Variants in NCK2 observed in about 807,000 individuals in gnomAD.
NCK2 encodes cytoplasmic protein NCK2.
A neutral mutation model predicts 33.9 loss-of-function variants in NCK2; 16 were observed. That is an observed-to-expected ratio of 0.47 (90% CI 0.32 to 0.72). The LOEUF (loss-of-function observed/expected upper bound fraction) is 0.72, where lower values mean the gene tolerates loss of function less well. Ranked by LOEUF, NCK2 falls within the 30% of genes least tolerant of loss-of-function variation. The probability of loss-of-function intolerance (pLI) is 0.03; values close to 1 mark genes in which losing one functional copy is unlikely to be tolerated. For synonymous variants in NCK2, 273 were observed against 239.9 expected (o/e 1.14, Z -1.27); for missense variants, 418 against 537.3 (o/e 0.78, Z 2.19).
intron 1 of NCK2, among the ~76,000 whole-genome samples, chr2:105,752,411 A>T (rs1489911134): frequency 1.3e-5 from 2 of 152,236 alleles, no homozygotes; most frequent in Non-Finnish European, 2.9e-5. Flanking sequence ...TCATCAAAAT[A>T]CCTTGTTCAT....
At chr2:105,777,530 C>A (rs1690350064) in intron 1 of NCK2, among the ~76,000 whole-genome samples, 1 of 152,128 alleles carries the variant, frequency 6.6e-6, no homozygotes, top group Non-Finnish European at 1.5e-5. Context: ...TATTGATAAT[C>A]ATGCGGATTA....
chr2:105,812,160 C>G (rs769662468), intron 1 of NCK2, among the ~76,000 whole-genome samples: 7 of 152,120 alleles, frequency 4.6e-5, no homozygotes, highest in Non-Finnish European at 8.8e-5. Context: ...ACAGCTTTAT[C>G]TTGAGTGAAA....
chr2:105,757,554 C>T (rs2104344950), intron 1 of NCK2, among the ~76,000 whole-genome samples: 1 of 152,278 alleles, frequency 6.6e-6, no homozygotes, highest in African/African-American at 2.4e-5. Flanking sequence ...TGTGTACCTG[C>T]AGTTCATACC....
intron 1 of NCK2, among the ~76,000 whole-genome samples, chr2:105,755,370 C>G (rs957314806): frequency 1.5e-4 from 23 of 151,704 alleles, no homozygotes; most frequent in African/African-American, 5.6e-4. Context: ...GATTGATCAC[C>G]TATAGATTAG....
intron 1 of NCK2, among the ~76,000 whole-genome samples, chr2:105,803,363 T>A (rs1307368484): frequency 6.6e-6 from 1 of 152,238 alleles, no homozygotes; most frequent in Non-Finnish European, 1.5e-5. Context: ...CCTATTTGAC[T>A]TTGAACTCTA....
chr2:105,767,563 T>C (rs1479687570), intron 1 of NCK2, among the ~76,000 whole-genome samples: 1 of 152,210 alleles, frequency 6.6e-6, no homozygotes, highest in East Asian at 1.9e-4. Flanking sequence ...CCAGCTGGGC[T>C]CATTCATTTC....
At chr2:105,806,383 A>G (rs549144651) in intron 1 of NCK2, among the ~76,000 whole-genome samples, 190 of 151,770 alleles carry the variant, frequency 1.3e-3, no homozygotes, top group African/African-American at 4.2e-3. Context: ...GACTACAGGC[A>G]CCCACCACCA....
chr2:105,881,654 G>T lies in NCK2; in HGVS notation c.553G>T (p.Gly185Cys). The T allele has an allele frequency of 1.2e-6, 2 of 1,613,274 alleles. No individual in the cohort carries two copies. The highest frequency in any genetic ancestry group is 1.7e-6 in the Non-Finnish European group (2 of 1,179,464). ...ESPSFLSLRK[G>C]ASLSNGQGSR... is the part of the protein sequence containing the mutation. ...CCCAAGCTTCCTGAGCCTGCGCAAGGGCGCCTCGCTGAGCAATGGCCAGGG... is the reference window on the plus strand; with the variant it reads ...CCCAAGCTTCCTGAGCCTGCGCAAGTGCGCCTCGCTGAGCAATGGCCAGGG... The change falls in exon 4 of 5, where the codon GGC (glycine) becomes TGC (cysteine). Residue 185 changes from glycine (G) to cysteine (C), a missense_variant. Transcript: ENST00000233154.
At chr2:105,766,280 C>T (rs1291045072) in intron 1 of NCK2, among the ~76,000 whole-genome samples, 4 of 152,138 alleles carry the variant, frequency 2.6e-5, no homozygotes, top group Admixed American at 2.0e-4. Context: ...GTGGGGAGAA[C>T]CTGATGTATT....
chr2:105,820,206 C>T (rs761595502), intron 2 of NCK2, among the ~76,000 whole-genome samples: 1 of 152,242 alleles, frequency 6.6e-6, no homozygotes, highest in Non-Finnish European at 1.5e-5. Flanking sequence ...TTCCTGGAGA[C>T]TGCAGGTCAT....
intron 3 of NCK2, among the ~76,000 whole-genome samples, chr2:105,864,990 G>T (rs1268192623): frequency 6.6e-6 from 1 of 152,154 alleles, no homozygotes; most frequent in East Asian, 1.9e-4. Context: ...CTAAAAAGCG[G>T]TCACCAGAGC....
rs545759729 is a variant in NCK2, at chr2:105,783,720, G to A, written c.-200-32710G>A. 1.5e-3 allele frequency among the ~76,000 whole-genome samples: 220 copies of A among 149,740 alleles called. 1 individual carries two copies. The highest frequency in any genetic ancestry group is 5.2e-3 in the African/African-American group (211 of 40,718). On this transcript the variant is annotated intron_variant, in intron 1 of 4. Coordinates refer to ENST00000233154, the MANE Select transcript of NCK2 (RefSeq NM_003581.5). ...TGTATTCAGATTATGTTTTTTTTTCGCTAATAGGTGAAAAATGATGACCTC... is the reference window on the plus strand; with the variant it reads ...TGTATTCAGATTATGTTTTTTTTTCACTAATAGGTGAAAAATGATGACCTC...
chr2:105,866,738 T>G (rs1573224040), intron 3 of NCK2, among the ~76,000 whole-genome samples: 1 of 152,286 alleles, frequency 6.6e-6, no homozygotes, highest in Non-Finnish European at 1.5e-5. Flanking sequence ...TACTGGTCTG[T>G]GGCCCCGGGG....
chr2:105,766,271 T>G (rs980180992), intron 1 of NCK2, among the ~76,000 whole-genome samples: 29 of 152,052 alleles, frequency 1.9e-4, no homozygotes, highest in Non-Finnish European at 1.9e-4. Flanking sequence ...GCCTGGAAGG[T>G]GGGGAGAACC....
intron 1 of NCK2, among the ~76,000 whole-genome samples, chr2:105,755,974 A>G (rs1291251836): frequency 1.3e-5 from 2 of 152,252 alleles, no homozygotes; most frequent in Non-Finnish European, 1.5e-5. Context: ...ATTAGACCTT[A>G]CGAAGGGAAA....
intron 2 of NCK2, among the ~76,000 whole-genome samples, chr2:105,833,103 CT>C (rs1198754729): frequency 7.7e-6 from 1 of 129,268 alleles, no homozygotes. Context: ...TTCTTCTTTT[CT>C]TTTTTTTGAG....
chr2:105,833,642 CTTTT>C (rs1026906162), intron 2 of NCK2, among the ~76,000 whole-genome samples: 4 of 151,172 alleles, frequency 2.6e-5, no homozygotes, highest in African/African-American at 9.6e-5. Context: ...AAATAAACAA[CTTTT>C]TATTTAATTG....
At chr2:105,783,559 G>A (rs1174230192) in intron 1 of NCK2, among the ~76,000 whole-genome samples, 4 of 152,286 alleles carry the variant, frequency 2.6e-5, no homozygotes, top group South Asian at 2.1e-4. Context: ...ATTTGCCACC[G>A]TGGGTGCAGT....
chr2:105,830,695 G>GTGTGTGTGTGTGTA (rs1553458074), intron 2 of NCK2, among the ~76,000 whole-genome samples: 326 of 150,930 alleles, frequency 2.2e-3, no homozygotes, highest in Admixed American at 6.0e-3. Context: ...GTGTGTGTGT[G>GTGTGTGTGTGTGTA]TGTGTGTGTG....
Sources: gnomAD v4.1 joint callset for allele counts (sites outside exome capture counted in the v4.1 genomes callset) on GRCh38, gnomAD v4.1.1 for gene constraint, MANE v1.5 for transcripts, NCBI Gene and HGNC (gene_info 2026-07-23, HGNC 2026-07-21) for gene names.